The following VWA5B2 variants were observed in gnomAD, a reference collection of about 807,000 sequenced individuals.
The protein encoded by VWA5B2 is von Willebrand factor A domain-containing protein 5B2.
A neutral mutation model predicts 118.5 loss-of-function variants in VWA5B2; 93 were observed. The ratio of observed to expected loss-of-function variants is 0.79; its 90% confidence interval spans 0.66 to 0.93. The LOEUF (loss-of-function observed/expected upper bound fraction) is 0.93. VWA5B2 is among the 40% of genes least tolerant of loss of function. The pLI is 0.00. For synonymous variants in VWA5B2, 708 were observed against 716.3 expected, an observed-to-expected ratio of 0.99 and a Z score of 0.19; for missense variants, 1,546 against 1,672.8, an observed-to-expected ratio of 0.92 and a Z score of 1.32.
chr3:184,240,281 G>C (rs1165854947), intron 16 of VWA5B2: 1 of 433,440 alleles, frequency 2.3e-6, no homozygotes, highest in Non-Finnish European at 4.1e-6. Context: ...ATCAGATCCA[G>C]AACTGACAAG....
rs921366324 is a variant in VWA5B2 at position 184,238,348 on chromosome 3, T to C, written c.1765T>C (p.Ser589Pro). 6.5e-7 allele frequency: 1 copy of C among 1,548,528 alleles called. No homozygotes were observed. Among genetic ancestry groups the C allele is most frequent in the Non-Finnish European group, 8.7e-7 (1 of 1,145,780 alleles). Reference protein sequence around the residue: ...WQSSGGSVFPSPEEAPSAASP... With the variant: ...WQSSGGSVFPPPEEAPSAASP... ...GAGCTCGGGTGGGTCCGTGTTTCCA[T>C]CCCCAGAAGAGGCCCCGTCTGCTGC... Residue 589 changes from serine to proline, a missense_variant, in exon 13 of 20, where the codon TCC (serine) becomes CCC (proline). Physicochemically the swap from Ser to Pro is moderately conservative, Grantham distance 74. Coordinates refer to ENST00000691901, the MANE Select transcript of VWA5B2 (RefSeq NM_001390846.1). This position sits in a 1 kb window ranked among gnomAD's most constrained non-coding sequence, Gnocchi z 5.0.
At chr3:184,231,689 C>T (rs1249547707) in intron 3 of VWA5B2, among the ~76,000 whole-genome samples, 1 of 152,244 alleles carries the variant, frequency 6.6e-6, no homozygotes, top group Non-Finnish European at 1.5e-5. Context: ...CAGCGAGTGC[C>T]CGGGGAAGGG....
At chr3:184,231,182 A>G (rs1397051644) in intron 3 of VWA5B2, among the ~76,000 whole-genome samples, 1 of 152,196 alleles carries the variant, frequency 6.6e-6, no homozygotes, top group Non-Finnish European at 1.5e-5. Context: ...CTTACAGCCC[A>G]GGAGACCGGT....
rs777996846 is a variant in VWA5B2 at position 184,239,707 on chromosome 3, C to A, written c.2411C>A (p.Ala804Asp). ...LDDSGNLLSP[A>D]PMDWDMLMEP... ...TCCCCAGGAAACCTGCTCTCCCCAGCCCCTATGGACTGGGACATGCTGATG... is the reference window on the plus strand; with the variant it reads ...TCCCCAGGAAACCTGCTCTCCCCAGACCCTATGGACTGGGACATGCTGATG... The change falls in exon 16 of 20, where the codon GCC becomes GAC. Residue 804 changes from alanine (A) to aspartate (D), a missense_variant. Ala to Asp is a moderately radical substitution (Grantham distance 126). Around this residue, in one of 3 missense-constraint regions of VWA5B2, gnomAD observed 763 missense variants for 766.6 expected, o/e 1.00. Coordinates refer to ENST00000691901, the MANE Select transcript of VWA5B2 (RefSeq NM_001390846.1). The surrounding 1 kb of genome is among the most constrained non-coding windows in gnomAD (Gnocchi z 5.1). The A allele has an allele frequency of 1.4e-6, 2 of 1,480,214 alleles. No homozygotes were observed. The highest frequency in any genetic ancestry group is 1.8e-6 in the Non-Finnish European group (2 of 1,108,626). 91.7% of individuals were successfully genotyped at this position (1,480,214 alleles called of 1,614,324 possible).
chr3:184,233,831 G>A lies in VWA5B2; in HGVS notation c.688+98G>A. 6.9e-7 allele frequency: 1 copy of A among 1,457,626 alleles called. No homozygotes were observed. Among genetic ancestry groups the A allele is most frequent in the Non-Finnish European group, 9.1e-7 (1 of 1,095,664 alleles). 90.3% of individuals were successfully genotyped at this position (1,457,626 alleles called of 1,614,324 possible). On this transcript the variant is annotated intron_variant, in intron 5 of 19. Coordinates refer to ENST00000691901, the MANE Select transcript of VWA5B2 (RefSeq NM_001390846.1). This position sits in a 1 kb window ranked among gnomAD's most constrained non-coding sequence, Gnocchi z 5.2. ...AAGGCTCAGGGATAGGAGGGACACA[G>A]GACAAAAAGACAGGGACCCCAGCCT...
chr3:184,231,249 A>T (rs1717374088), intron 3 of VWA5B2, among the ~76,000 whole-genome samples: 1 of 152,090 alleles, frequency 6.6e-6, no homozygotes, highest in African/African-American at 2.4e-5. Flanking sequence ...CCGGCCCCTT[A>T]CTATTTTAGG....
At position 184,241,219 on chromosome 3, in the gene VWA5B2, G is replaced by A. The variant is rs1560158335; in HGVS notation, c.2995G>A (p.Asp999Asn). ...GAGAGGCTCTCCAGCAGGCGCCTGGGACTCGGACCAAAATGGCAACTCCAA... is the reference window on the plus strand; with the variant it reads ...GAGAGGCTCTCCAGCAGGCGCCTGGAACTCGGACCAAAATGGCAACTCCAA... ...LQRGSPAGAW[D>N]SDQNGNSKRA... Residue 999 changes from aspartate to asparagine, a missense_variant, in exon 19 of 20, where the codon GAC becomes AAC. By Grantham distance (23) the Asp-to-Asn change is conservative. Coordinates refer to ENST00000691901, the MANE Select transcript of VWA5B2 (RefSeq NM_001390846.1). This position sits in a 1 kb window ranked among gnomAD's most constrained non-coding sequence, Gnocchi z 5.1. 2 of 1,550,746 alleles carry A rather than the reference G, an allele frequency of 1.3e-6. No individual in the cohort carries two copies. The highest frequency in any genetic ancestry group is 1.7e-6 in the Non-Finnish European group (2 of 1,146,526).
At position 184,238,243 on chromosome 3, in the gene VWA5B2, G is replaced by C; in HGVS notation, c.1720-60G>C. On this transcript the variant is annotated intron_variant, in intron 12 of 19. Transcript: ENST00000691901. This position sits in a 1 kb window ranked among gnomAD's most constrained non-coding sequence, Gnocchi z 5.0. ...CTCTTGCTGTGAGCCATCTAAAAATGTTTGGAAAGAGGTAGCACATAACTG... is the reference window on the plus strand; with the variant it reads ...CTCTTGCTGTGAGCCATCTAAAAATCTTTGGAAAGAGGTAGCACATAACTG... 4.3e-6 allele frequency: 6 copies of C among 1,393,830 alleles called. No homozygotes were observed. The highest frequency in any genetic ancestry group is 4.8e-6 in the Non-Finnish European group (5 of 1,050,012). The allele number at this position is 1,393,830 out of a possible 1,614,324, so 86.3% of individuals were successfully genotyped here. A position where few individuals can be genotyped will look rare whatever the true frequency, so the allele number is the denominator to read the frequency against.
Position 184,233,584 on chromosome 3 carries a change from G to C in VWA5B2, c.539G>C (p.Ser180Thr), listed in dbSNP as rs1241441872. Residue 180 changes from serine (S) to threonine (T), a missense_variant, in exon 5 of 20, where the codon AGC becomes ACC. Transcript: ENST00000691901. The surrounding 1 kb of genome is among the most constrained non-coding windows in gnomAD (Gnocchi z 5.2). Reference protein sequence around the residue: ...PPGLCDDSPTSCFGVGSLQEE... With the variant: ...PPGLCDDSPTTCFGVGSLQEE... ...CTCATGCTCCCTTCCAGCCCCACCAGCTGCTTCGGGGTGGGCAGCCTTCAG... is the reference window on the plus strand; with the variant it reads ...CTCATGCTCCCTTCCAGCCCCACCACCTGCTTCGGGGTGGGCAGCCTTCAG... 9.0e-6 allele frequency: 14 copies of C among 1,550,542 alleles called. No individual in the cohort carries two copies. Among genetic ancestry groups the C allele is most frequent in the African/African-American group, 2.7e-5 (2 of 73,048 alleles).
chr3:184,238,743 G>A lies in VWA5B2; in HGVS notation c.2072G>A (p.Gly691Asp). The A allele has an allele frequency of 1.3e-6, 2 of 1,550,902 alleles. No homozygotes were observed. Among genetic ancestry groups the A allele is most frequent in the South Asian group, 2.4e-5 (2 of 84,054 alleles). ...AGCAGTGAGTCCCCAGGCTCACAGG[G>A]CCCTGGCTCCCCCGAAGGTAGTGCT... ...TGSSESPGSQGPGSPEGSAPL... is the reference protein window; with the variant it reads ...TGSSESPGSQDPGSPEGSAPL... The change falls in exon 14 of 20, where the codon GGC (glycine) becomes GAC (aspartate). Residue 691 changes from glycine to aspartate, a missense_variant. Gly to Asp is a moderately conservative substitution (Grantham distance 94). Around this residue, in one of 3 missense-constraint regions of VWA5B2, gnomAD observed 763 missense variants for 766.6 expected, o/e 1.00. Transcript: ENST00000691901. This position sits in a 1 kb window ranked among gnomAD's most constrained non-coding sequence, Gnocchi z 5.0.
Position 184,230,850 on chromosome 3 carries a change from G to A in VWA5B2, c.243G>A (p.Ser81=), listed in dbSNP as rs1345368095. 3 of 1,243,106 alleles carry A rather than the reference G, an allele frequency of 2.4e-6. No individual in the cohort carries two copies. The highest frequency in any genetic ancestry group is 3.0e-6 in the Non-Finnish European group (3 of 994,042). The allele number at this position is 1,243,106 out of a possible 1,614,324, so 77.0% of individuals were successfully genotyped here. The change falls in exon 3 of 20, where the codon TCG becomes TCA. Residue 81 remains serine, a synonymous_variant. Coordinates refer to ENST00000691901, the MANE Select transcript of VWA5B2 (RefSeq NM_001390846.1). ...VSFQLQSRRR[S]QAACCRALGP... is the part of the protein sequence containing the mutation. ...TCCAGCTGCAGAGCCGGCGCCGCTC[G>A]CAGGCCGCCTGCTGCCGCGCTCTGG...
In VWA5B2 at chr3:184,230,893, C is replaced by A; in HGVS notation, c.286C>A (p.Pro96Thr). 1.6e-6 allele frequency: 2 copies of A among 1,222,150 alleles called. No individual in the cohort carries two copies. Among genetic ancestry groups the A allele is most frequent in the East Asian group, 3.3e-5 (1 of 30,016 alleles). 75.7% of individuals were successfully genotyped at this position (1,222,150 alleles called of 1,614,324 possible). A position where few individuals can be genotyped will look rare whatever the true frequency, so the allele number is the denominator to read the frequency against. The change falls in exon 3 of 20, where the codon CCG becomes ACG. Residue 96 changes from proline to threonine, a missense_variant. Transcript: ENST00000691901. ...CGCTCTGGGCCCGGGGCTGGGGACC[C>A]CGACGCCCCGCCGCTGCGCGCAGGG... ...CRALGPGLGTPTPRRCAQGHL... is the reference protein window; with the variant it reads ...CRALGPGLGTTTPRRCAQGHL...
chr3:184,237,200 G>A lies in VWA5B2; in HGVS notation c.1534-26G>A. On this transcript the variant is annotated intron_variant, in intron 11 of 19. Transcript: ENST00000691901. The surrounding 1 kb of genome is among the most constrained non-coding windows in gnomAD (Gnocchi z 5.6). The stretch of plus-strand genomic sequence containing the variant: ...CGTATGACACCTCTTTCCTTCCCAT[G>A]TCTTCCCTGTGGCCACTCCCCACAG... 1 of 1,546,234 alleles carries A rather than the reference G, an allele frequency of 6.5e-7. No homozygotes were observed. The highest frequency in any genetic ancestry group is 8.7e-7 in the Non-Finnish European group (1 of 1,143,196).
rs1718403632 is a variant in VWA5B2 at position 184,239,979 on chromosome 3, G to T, written c.2683G>T (p.Val895Phe). 20 of 1,550,622 alleles carry T rather than the reference G, an allele frequency of 1.3e-5. No homozygotes were observed. Among genetic ancestry groups the T allele is most frequent in the Non-Finnish European group, 1.7e-5 (20 of 1,146,844 alleles). ...CCATCGGCTGACAGCAGCCTCTGTG[G>T]TCCGGGACAATGAGCAGCTGGCCCT... ...ALHRLTAASV[V>F]RDNEQLALRG... The change falls in exon 16 of 20, where the codon GTC becomes TTC. Residue 895 changes from valine (V) to phenylalanine (F), a missense_variant. Val to Phe is a conservative substitution (Grantham distance 50). Coordinates refer to ENST00000691901, the MANE Select transcript of VWA5B2 (RefSeq NM_001390846.1). The surrounding 1 kb of genome is among the most constrained non-coding windows in gnomAD (Gnocchi z 5.1).
In VWA5B2 at chr3:184,230,515, G is replaced by A; in HGVS notation, c.-14G>A. ...TTCCCCGGCCCGTTCCCGCAGGGCC[G>A]GCCTCCCGGCGCCATGCCCGGCCTG... On this transcript the variant is annotated 5_prime_UTR_variant, in exon 2 of 20. Transcript: ENST00000691901. The A allele has an allele frequency of 6.9e-7, 1 of 1,452,676 alleles. No homozygotes were observed. The highest frequency in any genetic ancestry group is 2.7e-5 in the Admixed American group (1 of 37,074). The allele number at this position is 1,452,676 out of a possible 1,614,324, so 90.0% of individuals were successfully genotyped here.
At chr3:184,234,180 G>C in intron 5 of VWA5B2, 86 bp from the exon 6 acceptor site, 2 of 1,476,824 alleles carry the variant, frequency 1.4e-6, no homozygotes, top group Non-Finnish European at 1.8e-6. Context: ...AGAGCTGACT[G>C]AATCAGCCAT....
chr3:184,232,325 C>T (rs966016348), intron 3 of VWA5B2, among the ~76,000 whole-genome samples: 4 of 152,194 alleles, frequency 2.6e-5, no homozygotes, highest in Admixed American at 1.3e-4. Context: ...TGCCAAAGGA[C>T]TCAATTAGAG....
chr3:184,239,267 T>C lies in VWA5B2; in HGVS notation c.2203-127T>C. On this transcript the variant is annotated intron_variant, in intron 14 of 19. Transcript: ENST00000691901. This position sits in a 1 kb window ranked among gnomAD's most constrained non-coding sequence, Gnocchi z 5.1. ...ACTGTAGGCCATAAGGAACTTGGCC[T>C]TCCTCCTCAAGCTGGTGAGCGGCCA... The C allele has an allele frequency of 9.0e-7, 1 of 1,106,036 alleles. No homozygotes were observed. Among genetic ancestry groups the C allele is most frequent in the East Asian group, 2.8e-5 (1 of 35,858 alleles). The allele number at this position is 1,106,036 out of a possible 1,614,324, so 68.5% of individuals were successfully genotyped here.
At position 184,238,160 on chromosome 3, in the gene VWA5B2, G is replaced by A. The variant is rs1427869399; in HGVS notation, c.1720-143G>A. The stretch of plus-strand genomic sequence containing the variant: ...CTCTATTAACCCTTACAGTGAACAT[G>A]TCTGCTTCCTCCTTCTTTAGTACTG... On this transcript the variant is annotated intron_variant, in intron 12 of 19. Transcript: ENST00000691901. The surrounding 1 kb of genome is among the most constrained non-coding windows in gnomAD (Gnocchi z 5.0). 1.1e-5 allele frequency: 8 copies of A among 730,096 alleles called. No individual in the cohort carries two copies. The highest frequency in any genetic ancestry group is 1.7e-5 in the Non-Finnish European group (8 of 468,388). The allele number at this position is 730,096 out of a possible 1,614,324, so 45.2% of individuals were successfully genotyped here. A position where few individuals can be genotyped will look rare whatever the true frequency, so the allele number is the denominator to read the frequency against.
Sources: gnomAD v4.1 joint callset for allele counts (sites outside exome capture counted in the v4.1 genomes callset) on GRCh38, gnomAD v4.1.1 for gene constraint, gnomAD v4.1.1 regional missense constraint, Gnocchi (gnomAD v3.1) non-coding constraint, MANE v1.5 for transcripts, NCBI Gene and HGNC (gene_info 2026-07-23, HGNC 2026-07-21) for gene names.